NEO1: variants seen among roughly 807,000 people sequenced by gnomAD.
NEO1 encodes the protein neogenin.
Under a neutral mutation model 159.7 loss-of-function variants are expected in NEO1, and 63 were observed. That is an observed-to-expected ratio of 0.39 (90% CI 0.32 to 0.49). The LOEUF is 0.49. NEO1 is among the 20% of genes least tolerant of loss of function. NEO1 has a pLI of 0.85. For missense variants in NEO1, 1,615 were observed against 1,831.0 expected, an observed-to-expected ratio of 0.88 and a Z score of 2.15; for synonymous variants, 633 against 662.0, an observed-to-expected ratio of 0.96 and a Z score of 0.67.
intron 1 of NEO1, among the ~76,000 whole-genome samples, chr15:73,093,660 GC>G (rs1288475612): frequency 1.3e-5 from 2 of 151,018 alleles, no homozygotes; most frequent in African/African-American, 4.9e-5. Context: ...TGCAACCTCT[GC>G]CTCCCAGGCT....
At chr15:73,214,440 A>C (rs2037762502) in intron 7 of NEO1, among the ~76,000 whole-genome samples, 2 of 152,054 alleles carry the variant, frequency 1.3e-5, no homozygotes, top group Non-Finnish European at 2.9e-5. Context: ...TTTTGAGTTG[A>C]TTTTCATATA....
chr15:73,054,752 A>G (rs1163694185), intron 1 of NEO1, among the ~76,000 whole-genome samples: 2 of 152,166 alleles, frequency 1.3e-5, no homozygotes, highest in African/African-American at 2.4e-5. Flanking sequence ...CAAAAGCGAG[A>G]GGAATAACTG....
chr15:73,154,251 G>T (rs982966106), intron 5 of NEO1, among the ~76,000 whole-genome samples: 1 of 151,740 alleles, frequency 6.6e-6, no homozygotes, highest in Non-Finnish European at 1.5e-5. Flanking sequence ...TATATTTATC[G>T]GGTACATGAG....
At chr15:73,274,600 AGTT>A in intron 20 of NEO1, 89 bp from the exon 21 acceptor site, 1 of 1,290,486 alleles carries the variant, frequency 7.7e-7, no homozygotes, top group Non-Finnish European at 1.1e-6. Flanking sequence ...TGGGGGTTTT[AGTT>A]TTTTTCCTTT....
At chr15:73,150,074 CAGTA>C (rs1472345401) in intron 5 of NEO1, among the ~76,000 whole-genome samples, 2 of 152,106 alleles carry the variant, frequency 1.3e-5, no homozygotes, top group African/African-American at 2.4e-5. Context: ...AGATCTAATT[CAGTA>C]ATGATCACAG....
intron 7 of NEO1, among the ~76,000 whole-genome samples, chr15:73,214,970 A>G (rs1457881595): frequency 6.6e-6 from 1 of 152,132 alleles, no homozygotes; most frequent in Non-Finnish European, 1.5e-5. Context: ...AGTGTTTTGC[A>G]GTTTTCCTTG....
chr15:73,187,855 C>T (rs887268212), intron 7 of NEO1, among the ~76,000 whole-genome samples: 4 of 152,146 alleles, frequency 2.6e-5, no homozygotes, highest in African/African-American at 9.7e-5. Flanking sequence ...AAAAAGGATG[C>T]TCCACAGTCC....
chr15:73,243,992 A>G (rs994558781), intron 8 of NEO1, among the ~76,000 whole-genome samples: 1 of 152,118 alleles, frequency 6.6e-6, no homozygotes, highest in Non-Finnish European at 1.5e-5. Flanking sequence ...TCCACCTTCC[A>G]TCAATTTCCC....
chr15:73,179,182 T>C (rs2035455289), intron 7 of NEO1, among the ~76,000 whole-genome samples: 1 of 152,184 alleles, frequency 6.6e-6, no homozygotes, highest in South Asian at 2.1e-4. Flanking sequence ...TTAACATTGA[T>C]ATTGGGATTG....
chr15:73,233,586 T>C (rs2039025001), intron 7 of NEO1, among the ~76,000 whole-genome samples: 1 of 152,312 alleles, frequency 6.6e-6, no homozygotes, highest in African/African-American at 2.4e-5. Flanking sequence ...AAGGAGCTTA[T>C]AGATTCGTGG....
chr15:73,262,981 C>G (rs999882807), intron 15 of NEO1, among the ~76,000 whole-genome samples: 1 of 151,970 alleles, frequency 6.6e-6, no homozygotes, highest in African/African-American at 2.4e-5. Flanking sequence ...CAGAATTTAT[C>G]TATAGTGACA....
intron 4 of NEO1, 85 bp from the exon 5 acceptor site, chr15:73,135,806 T>C (rs2031684828): frequency 1.6e-6 from 2 of 1,217,142 alleles, no homozygotes; most frequent in African/African-American, 3.1e-5. Flanking sequence ...TTTAAGTGTT[T>C]TCTCTATTTT....
At chr15:73,275,310 C>T (rs1220436576) in intron 21 of NEO1, among the ~76,000 whole-genome samples, 1 of 151,982 alleles carries the variant, frequency 6.6e-6, no homozygotes, top group African/African-American at 2.4e-5. Context: ...TCATTTCTCC[C>T]CTTAAATATA....
chr15:73,079,849 A>G (rs542858010), intron 1 of NEO1, among the ~76,000 whole-genome samples: 52 of 152,318 alleles, frequency 3.4e-4, no homozygotes, highest in African/African-American at 1.2e-3. Context: ...GCATATATCA[A>G]AGCAGATTGT....
intron 1 of NEO1, among the ~76,000 whole-genome samples, chr15:73,074,953 G>A (rs952890467): frequency 4.6e-5 from 7 of 152,122 alleles, no homozygotes; most frequent in African/African-American, 1.2e-4. Context: ...TCCTTAGGAC[G>A]TAACACAGTG....
At chr15:73,254,878 T>C in intron 13 of NEO1, 49 bp downstream of exon 13, 1 of 1,575,830 alleles carries the variant, frequency 6.3e-7, no homozygotes, top group Non-Finnish European at 8.6e-7. Flanking sequence ...CTTTCTCAGA[T>C]ATTGAATTAT....
intron 7 of NEO1, among the ~76,000 whole-genome samples, chr15:73,228,333 T>C (rs1242742360): frequency 1.3e-5 from 2 of 152,172 alleles, no homozygotes; most frequent in Non-Finnish European, 1.5e-5. Context: ...TAATGACTAA[T>C]GATGTCATTT....
At chr15:73,149,389 G>A in intron 5 of NEO1, among the ~76,000 whole-genome samples, 1 of 151,758 alleles carries the variant, frequency 6.6e-6, no homozygotes, top group Non-Finnish European at 1.5e-5. Context: ...TATTTATTCT[G>A]TATCTACTGC....
At chr15:73,210,410 A>G (rs1482929927) in intron 7 of NEO1, among the ~76,000 whole-genome samples, 1 of 152,236 alleles carries the variant, frequency 6.6e-6, no homozygotes, top group African/African-American at 2.4e-5. Flanking sequence ...GGCACCAACC[A>G]TCAAGGACTT....
Sources: gnomAD v4.1 joint callset for allele counts (sites outside exome capture counted in the v4.1 genomes callset) on GRCh38, gnomAD v4.1.1 for gene constraint, MANE v1.5 for transcripts, NCBI Gene and HGNC (gene_info 2026-07-23, HGNC 2026-07-21) for gene names.